Variants in ADAM12 observed in about 807,000 individuals in gnomAD.
The protein encoded by ADAM12 is ADAM metallopeptidase domain 12, also known as disintegrin and metalloproteinase domain-containing protein 12.
ADAM12 carries 70 observed loss-of-function variants against 106.4 expected under a neutral mutation model. The ratio of observed to expected loss-of-function variants is 0.66; its 90% CI spans 0.54 to 0.80. The LOEUF (loss-of-function observed/expected upper bound fraction) is 0.80, where lower values mean the gene tolerates loss of function less well. Among genes scored for constraint, ADAM12 ranks in the 30% least tolerant of loss-of-function variants. ADAM12 has a pLI of 0.00. For synonymous variants in ADAM12, 420 were observed against 433.5 expected (o/e 0.97, Z 0.39); for missense variants, 1,010 against 1,171.9 (o/e 0.86, Z 2.02).
At chr10:126,200,455 A>AT (rs1957677560) in intron 3 of ADAM12, among the ~76,000 whole-genome samples, 1 of 152,192 alleles carries the variant, frequency 6.6e-6, no homozygotes, top group South Asian at 2.1e-4. Flanking sequence ...AAAAACCAGA[A>AT]TTTTGGAGTC....
At position 126,036,305 on chromosome 10, in the gene ADAM12, C is replaced by T. The variant is rs1954059234; in HGVS notation, c.2370G>A (p.Leu790=). Residue 790 remains leucine, a synonymous_variant, in exon 21 of 23, where the codon CTG becomes CTA. Coordinates refer to ENST00000448723, the MANE Select transcript of ADAM12 (RefSeq NM_001288973.2). ...YPPKDNPRRL[L]QCQNVDISRP... is the part of the protein sequence containing the mutation. ...TGCTGATGTCAACATTCTGACACTG[C>T]AGCAATCTCCTGGGATTGTCCTGTA... is the stretch of plus-strand genomic sequence containing the variant. 6.4e-7 allele frequency: 1 copy of T among 1,564,460 alleles called. No homozygotes were observed. The highest frequency in any genetic ancestry group is 1.2e-5 in the South Asian group (1 of 82,308).
intron 3 of ADAM12, among the ~76,000 whole-genome samples, chr10:126,199,315 C>T (rs963347663): frequency 4.6e-5 from 7 of 152,144 alleles, no homozygotes; most frequent in African/African-American, 1.7e-4. Flanking sequence ...TCGAGATCAG[C>T]GGGCCTGACC....
At chr10:126,065,708 C>A (rs967573011) in intron 13 of ADAM12, among the ~76,000 whole-genome samples, 1 of 152,138 alleles carries the variant, frequency 6.6e-6, no homozygotes, top group Non-Finnish European at 1.5e-5. Flanking sequence ...AAGACCCCTG[C>A]CAACTTCTAG....
At chr10:126,111,361 G>T (rs1955864622) in intron 6 of ADAM12, among the ~76,000 whole-genome samples, 1 of 152,122 alleles carries the variant, frequency 6.6e-6, no homozygotes, top group Non-Finnish European at 1.5e-5. Context: ...GTGCCCACGG[G>T]TGCACACAAA....
intron 3 of ADAM12, among the ~76,000 whole-genome samples, chr10:126,233,757 T>C (rs1405043333): frequency 6.6e-6 from 1 of 152,212 alleles, no homozygotes; most frequent in Non-Finnish European, 1.5e-5. Flanking sequence ...ACTCGCATAT[T>C]TTAAGGTGAG....
At chr10:126,147,660 C>T (rs1329756482) in intron 4 of ADAM12, among the ~76,000 whole-genome samples, 1 of 152,214 alleles carries the variant, frequency 6.6e-6, no homozygotes, top group Non-Finnish European at 1.5e-5. Context: ...TTCAAATGTT[C>T]CTTTCCCCAT....
chr10:126,064,654 G>A lies in ADAM12; in HGVS notation c.1609+152C>T, dbSNP rs886536860. The stretch of plus-strand genomic sequence containing the variant: ...CCAGTGCGGCCTCAGACCCTCCCTG[G>A]GAGTCAATCACTCCCGACTGAACAC... On this transcript the variant is annotated intron_variant, in intron 14 of 22. Coordinates refer to ENST00000448723, the MANE Select transcript of ADAM12 (RefSeq NM_001288973.2). This position sits in a 1 kb window ranked among gnomAD's most constrained non-coding sequence, Gnocchi z 4.4. 1 of 811,998 alleles carries A rather than the reference G, an allele frequency of 1.2e-6. No homozygotes were observed. 50.3% of individuals were successfully genotyped at this position (811,998 alleles called of 1,614,324 possible).
intron 21 of ADAM12, among the ~76,000 whole-genome samples, chr10:126,033,781 C>T (rs1954010475): frequency 6.6e-6 from 1 of 152,170 alleles, no homozygotes; most frequent in Non-Finnish European, 1.5e-5. Context: ...GTGGATTTCT[C>T]ATCACCATGG....
intron 3 of ADAM12, among the ~76,000 whole-genome samples, chr10:126,186,983 A>G (rs1356421974): frequency 6.6e-6 from 1 of 152,138 alleles, no homozygotes; most frequent in African/African-American, 2.4e-5. Flanking sequence ...ACAGTCACTA[A>G]CTAGATCAAT....
intron 3 of ADAM12, among the ~76,000 whole-genome samples, chr10:126,156,055 C>T (rs1416028386): frequency 6.6e-6 from 1 of 152,158 alleles, no homozygotes. Context: ...ACATAACATG[C>T]ACTATTTTAT....
chr10:126,216,281 T>C (rs894534155), intron 3 of ADAM12, among the ~76,000 whole-genome samples: 17 of 152,192 alleles, frequency 1.1e-4, no homozygotes, highest in African/African-American at 7.2e-5. Flanking sequence ...ATTGGGAAGA[T>C]AAAACTTCGC....
In ADAM12 at chr10:126,174,008, A is replaced by ATTTTTTTTTT. The variant is rs200354475; in HGVS notation, c.261-18713_261-18704dup. Among the ~76,000 whole-genome samples, 12 of 90,468 alleles carry ATTTTTTTTTT rather than the reference A, an allele frequency of 1.3e-4. 3 individuals are homozygous for ATTTTTTTTTT. Among genetic ancestry groups the ATTTTTTTTTT allele is most frequent in the African/African-American group, 5.9e-4 (11 of 18,684 alleles). 59.4% of individuals were successfully genotyped at this position (90,468 alleles called of 152,430 possible). On this transcript the variant is annotated intron_variant, in intron 3 of 22. Transcript: ENST00000448723. ...TTTTATCCAGATTCATCTGTTGTTG[A>ATTTTTTTTTT]TTTTTTTTTTTTTTTTTTTTTTTTT...
intron 14 of ADAM12, among the ~76,000 whole-genome samples, chr10:126,050,117 A>G (rs1459274266): frequency 3.9e-5 from 6 of 152,238 alleles, no homozygotes; most frequent in Admixed American, 6.5e-5. Context: ...GCTCCAAAGG[A>G]GCAATGAAGA....
At chr10:126,252,380 A>T (rs980414182) in intron 3 of ADAM12, among the ~76,000 whole-genome samples, 2 of 152,178 alleles carry the variant, frequency 1.3e-5, no homozygotes, top group Non-Finnish European at 2.9e-5. Flanking sequence ...GGCCCATGAT[A>T]CGCTGTCTGC....
chr10:126,131,104 CTTTTTT>C (rs71029289), intron 5 of ADAM12, among the ~76,000 whole-genome samples: 2 of 100,920 alleles, frequency 2.0e-5, no homozygotes, highest in South Asian at 3.3e-4. Flanking sequence ...CAGCTGTCTT[CTTTTTT>C]TTTTTTTTTT....
At chr10:126,038,179 T>C in intron 20 of ADAM12, 62 bp downstream of exon 20, 1 of 1,393,976 alleles carries the variant, frequency 7.2e-7, no homozygotes, top group Non-Finnish European at 1.0e-6. Flanking sequence ...TTATTCAGTC[T>C]CGTATTGAAA....
chr10:126,367,599 C>T (rs1308012543), intron 1 of ADAM12, among the ~76,000 whole-genome samples: 1 of 151,452 alleles, frequency 6.6e-6, no homozygotes, highest in Non-Finnish European at 1.5e-5. Flanking sequence ...ATCTTTGAAA[C>T]CAAAGTTGGT....
chr10:126,080,907 T>C (rs1344175873), intron 11 of ADAM12, among the ~76,000 whole-genome samples: 1 of 152,218 alleles, frequency 6.6e-6, no homozygotes, highest in African/African-American at 2.4e-5. Flanking sequence ...TCTTTTCTTG[T>C]AGGAGCCTAT....
At chr10:126,264,746 C>T (rs1016953313) in intron 3 of ADAM12, among the ~76,000 whole-genome samples, 1 of 151,908 alleles carries the variant, frequency 6.6e-6, no homozygotes, top group Non-Finnish European at 1.5e-5. Flanking sequence ...TTTTTTTTAA[C>T]TTGCCATTGC....
Sources: allele counts gnomAD v4.1 joint callset (sites outside exome capture counted in the v4.1 genomes callset), GRCh38; gene constraint gnomAD v4.1.1; non-coding constraint Gnocchi (gnomAD v3.1); transcripts MANE v1.5; gene names NCBI Gene and HGNC (gene_info 2026-07-23, HGNC 2026-07-21).